Variants in RALGAPB observed in about 807,000 individuals in gnomAD.
RALGAPB encodes the protein Ral GTPase activating protein non-catalytic subunit beta.
RALGAPB carries 25 observed loss-of-function variants against 161.1 expected under a neutral mutation model. That is an observed-to-expected ratio of 0.16 (90% CI 0.11 to 0.22). The LOEUF (loss-of-function observed/expected upper bound fraction) is 0.22, where lower values mean the gene tolerates loss of function less well. Ranked by LOEUF, RALGAPB falls within the 10% of genes least tolerant of loss-of-function variation. RALGAPB has a pLI of 1.00. For missense variants in RALGAPB, 1,391 were observed against 1,815.2 expected (o/e 0.77, Z 4.25); for synonymous variants, 629 against 626.1 (o/e 1.00, Z -0.07).
intron 28 of RALGAPB, among the ~76,000 whole-genome samples, chr20:38,571,277 C>T (rs2145538103): frequency 6.6e-6 from 1 of 152,252 alleles, no homozygotes; most frequent in Admixed American, 6.5e-5. Flanking sequence ...GTATACAATA[C>T]TGTATTATTA....
intron 1 of RALGAPB, among the ~76,000 whole-genome samples, chr20:38,487,521 A>G (rs2085152651): frequency 6.6e-6 from 1 of 152,196 alleles, no homozygotes; most frequent in Non-Finnish European, 1.5e-5. Context: ...TGAAAATTTA[A>G]TATATGACAG....
At chr20:38,563,985 G>A (rs556622813) in intron 24 of RALGAPB, among the ~76,000 whole-genome samples, 3 of 152,252 alleles carry the variant, frequency 2.0e-5, no homozygotes, top group East Asian at 3.9e-4. Context: ...CCCCGAATCC[G>A]GAACTATATG....
At chr20:38,482,813 A>G (rs1394377949) in intron 1 of RALGAPB, among the ~76,000 whole-genome samples, 3 of 152,332 alleles carry the variant, frequency 2.0e-5, no homozygotes, top group Admixed American at 6.5e-5. Flanking sequence ...GGACAAGGGC[A>G]TGTTTCAAAC....
chr20:38,546,156 G>C, intron 18 of RALGAPB, 87 bp from the exon 19 acceptor site: 2 of 1,584,308 alleles, frequency 1.3e-6, no homozygotes, highest in South Asian at 2.3e-5. Context: ...TTAAAATTCA[G>C]AAGAGTGGAA....
intron 16 of RALGAPB, among the ~76,000 whole-genome samples, chr20:38,539,027 T>A (rs1275802298): frequency 6.6e-6 from 1 of 152,206 alleles, no homozygotes; most frequent in Non-Finnish European, 1.5e-5. Context: ...TTGTGGTATA[T>A]CCATGCAGTG....
At position 38,575,093 on chromosome 20, in the gene RALGAPB, A is replaced by T. The variant is rs533126137; in HGVS notation, c.*126A>T. On this transcript the variant is annotated 3_prime_UTR_variant, in exon 30 of 30. Coordinates refer to ENST00000262879, the MANE Select transcript of RALGAPB (RefSeq NM_020336.4). ...CAAGAGCTTACTGTTTAATCACCAG[A>T]ATAGAAGAAACACATTATAACCCAT... is the stretch of plus-strand genomic sequence containing the variant. 4.2e-5 allele frequency: 35 copies of T among 824,426 alleles called. No homozygotes were observed. In the African/African-American group the frequency reaches 5.8e-4, roughly 14 times the overall value. 51.1% of individuals were successfully genotyped at this position (824,426 alleles called of 1,614,324 possible).
At chr20:38,473,642 C>G (rs560775146) in intron 1 of RALGAPB, among the ~76,000 whole-genome samples, 44 of 152,312 alleles carry the variant, frequency 2.9e-4, no homozygotes, top group South Asian at 1.5e-3. Flanking sequence ...GGTTGGGTGA[C>G]TTAATTACCC....
intron 27 of RALGAPB, among the ~76,000 whole-genome samples, chr20:38,570,355 A>G (rs1157092694): frequency 2.0e-5 from 3 of 152,164 alleles, no homozygotes; most frequent in African/African-American, 4.8e-5. Flanking sequence ...CTCCACCCAC[A>G]TGTCCTACTG....
chr20:38,474,232 CCCACCCAAACGCACACACTT>C (rs2084737451), intron 1 of RALGAPB, among the ~76,000 whole-genome samples: 1 of 152,148 alleles, frequency 6.6e-6, no homozygotes. Flanking sequence ...TTCTGGCCAT[CCCACCCAAACGCACACACTT>C]CTGCTCTCTC....
Position 38,529,389 on chromosome 20 carries a change from A to T in RALGAPB, c.2051-1778A>T, listed in dbSNP as rs563173253. Among the ~76,000 whole-genome samples the T allele has an allele frequency of 5.9e-5, 9 of 152,138 alleles. No homozygotes were observed. In the East Asian group the frequency reaches 9.7e-4, roughly 16 times the overall value. On this transcript the variant is annotated intron_variant, in intron 13 of 29. Transcript: ENST00000262879. ...AAAAATTAGCAGGGTGTGATGGCAC[A>T]TGCCTGTAGTCTCAGCTACTTGGGA...
At chr20:38,517,070 G>A (rs1435255161) in intron 7 of RALGAPB, among the ~76,000 whole-genome samples, 1 of 152,188 alleles carries the variant, frequency 6.6e-6, no homozygotes, top group African/African-American at 2.4e-5. Flanking sequence ...ATCACCAGCA[G>A]GGATCCAAGG....
rs537677219 is a variant in RALGAPB, at chr20:38,545,203, G to T, written c.2715-1040G>T. ...CACATCATCAGAGCACTTCCTTCAG[G>T]TCCACAGGGATTTTTAAATTTAGCT... On this transcript the variant is annotated intron_variant, in intron 18 of 29. Coordinates refer to ENST00000262879, the MANE Select transcript of RALGAPB (RefSeq NM_020336.4). Among the ~76,000 whole-genome samples, 26 of 151,932 alleles carry T rather than the reference G, an allele frequency of 1.7e-4. No homozygotes were observed. In the South Asian group the frequency reaches 5.4e-3, roughly 32 times the overall value.
At chr20:38,490,610 G>A (rs1030786609) in intron 2 of RALGAPB, among the ~76,000 whole-genome samples, 3 of 145,596 alleles carry the variant, frequency 2.1e-5, no homozygotes, top group African/African-American at 5.1e-5. Context: ...AGGTTCAAGC[G>A]ATTCTACTGC....
intron 3 of RALGAPB, among the ~76,000 whole-genome samples, chr20:38,496,846 C>T (rs895287736): frequency 5.9e-5 from 9 of 152,156 alleles, no homozygotes; most frequent in Non-Finnish European, 1.3e-4. Context: ...TTAGGCTATT[C>T]CTTCTGGCTT....
chr20:38,517,719 A>G (rs1349193507), intron 8 of RALGAPB, 65 bp downstream of exon 8: 20 of 1,605,660 alleles, frequency 1.2e-5, no homozygotes, highest in African/African-American at 5.4e-5. Flanking sequence ...CATTCTTTTT[A>G]TAAAGTCTTG....
At chr20:38,505,947 A>G (rs948222948) in intron 5 of RALGAPB, among the ~76,000 whole-genome samples, 16 of 152,202 alleles carry the variant, frequency 1.1e-4, no homozygotes, top group Admixed American at 2.0e-4. Context: ...TCCAGGTACA[A>G]TTGACCCTCT....
chr20:38,473,037 C>A lies in RALGAPB; in HGVS notation c.-63C>A. The A allele has an allele frequency of 2.6e-6, 1 of 386,530 alleles. No homozygotes were observed. The highest frequency in any genetic ancestry group is 4.5e-5 in the Admixed American group (1 of 22,248). 23.9% of individuals were successfully genotyped at this position (386,530 alleles called of 1,614,324 possible). A position where few individuals can be genotyped will look rare whatever the true frequency, so the allele number is the denominator to read the frequency against. ...CGAGGACGGCCGGCGGCGGCGCCCG[C>A]CCCGGCGATGCGGGCCCCGCCCGTC... is the stretch of plus-strand genomic sequence containing the variant. On this transcript the variant is annotated 5_prime_UTR_variant, in exon 1 of 30. Coordinates refer to ENST00000262879, the MANE Select transcript of RALGAPB (RefSeq NM_020336.4).
At position 38,570,003 on chromosome 20, in the gene RALGAPB, T is replaced by A; in HGVS notation, c.4063+7T>A. ...GAACGCTATGATGATATAGGTACTG[T>A]ATGAGGACTTTGTCCATAAATAAAA... On this transcript the variant is annotated splice_region_variant and intron_variant, in intron 27 of 29. Coordinates refer to ENST00000262879, the MANE Select transcript of RALGAPB (RefSeq NM_020336.4). The A allele has an allele frequency of 6.3e-7, 1 of 1,596,782 alleles. No homozygotes were observed. Among genetic ancestry groups the A allele is most frequent in the Non-Finnish European group, 8.6e-7 (1 of 1,164,508 alleles).
intron 1 of RALGAPB, among the ~76,000 whole-genome samples, chr20:38,476,097 T>C (rs1471168343): frequency 1.3e-5 from 2 of 152,244 alleles, no homozygotes; most frequent in Admixed American, 6.5e-5. Flanking sequence ...ATCCAGTTCT[T>C]GCTTTAGCAC....
Sources: gnomAD v4.1 joint callset for allele counts (sites outside exome capture counted in the v4.1 genomes callset) on GRCh38, gnomAD v4.1.1 for gene constraint, MANE v1.5 for transcripts, NCBI Gene and HGNC (gene_info 2026-07-23, HGNC 2026-07-21) for gene names.